DENND1A: variants seen among roughly 807,000 people sequenced by gnomAD.
DENND1A encodes DENN domain containing 1A, also known as DENN domain-containing protein 1A.
A neutral mutation model predicts 113.7 loss-of-function variants in DENND1A; 51 were observed. The observed-to-expected ratio is 0.45, with a 90% confidence interval of 0.36 to 0.57. The LOEUF is 0.57. Ranked by LOEUF, DENND1A falls within the 20% of genes least tolerant of loss-of-function variation. DENND1A has a pLI of 0.00. For missense variants in DENND1A, 1,258 were observed against 1,395.9 expected, an observed-to-expected ratio of 0.90 and a Z score of 1.57; for synonymous variants, 565 against 570.8, an observed-to-expected ratio of 0.99 and a Z score of 0.14.
At chr9:123,681,264 G>A (rs1247545688) in intron 5 of DENND1A, among the ~76,000 whole-genome samples, 1 of 145,968 alleles carries the variant, frequency 6.9e-6, no homozygotes, top group African/African-American at 2.5e-5. Flanking sequence ...AGAACATCTG[G>A]AAGGCAGTTC....
intron 4 of DENND1A, among the ~76,000 whole-genome samples, chr9:123,766,797 A>G (rs770574074): frequency 6.6e-6 from 1 of 152,190 alleles, no homozygotes; most frequent in Admixed American, 6.5e-5. Context: ...TGGCTTTATT[A>G]TTTTTCCTAA....
chr9:123,538,713 AAAT>A (rs1368304723), intron 13 of DENND1A, among the ~76,000 whole-genome samples: 2 of 147,262 alleles, frequency 1.4e-5, no homozygotes, highest in African/African-American at 5.0e-5. Flanking sequence ...AAAATCCATC[AAAT>A]ATGTTGAAAT....
chr9:123,388,847 C>T (rs2042698499), intron 21 of DENND1A, among the ~76,000 whole-genome samples: 1 of 152,216 alleles, frequency 6.6e-6, no homozygotes, highest in Non-Finnish European at 1.5e-5. Context: ...CTCTGTGCAC[C>T]CCACCAAGAG....
chr9:123,756,947 C>T (rs1412144860), intron 5 of DENND1A, among the ~76,000 whole-genome samples: 1 of 152,168 alleles, frequency 6.6e-6, no homozygotes, highest in African/African-American at 2.4e-5. Context: ...CAGAGAGAGA[C>T]AGGAGGCAGG....
Position 123,587,656 on chromosome 9 carries a change from C to A in DENND1A, c.766-4386G>T, listed in dbSNP as rs148283598. Reference sequence around the variant, plus strand: ...TCTTGGTGATGTGAAACCTCCCTGACTGCACGTCCATTCATAGGTTCTCTG... The same window carrying A: ...TCTTGGTGATGTGAAACCTCCCTGAATGCACGTCCATTCATAGGTTCTCTG... On this transcript the variant is annotated intron_variant, in intron 11 of 23. Transcript: ENST00000394215. Among the ~76,000 whole-genome samples the A allele has an allele frequency of 3.1e-3, 475 of 152,346 alleles. 4 individuals carry two copies. Among genetic ancestry groups the A allele is most frequent in the African/African-American group, 0.011 (458 of 41,590 alleles).
Position 123,583,224 on chromosome 9 carries a change from T to C in DENND1A, c.812A>G (p.Asp271Gly), listed in dbSNP as rs574249454. 1 of 1,612,702 alleles carries C rather than the reference T, an allele frequency of 6.2e-7. No individual in the cohort carries two copies. Among genetic ancestry groups the C allele is most frequent in the African/African-American group, 1.3e-5 (1 of 74,906 alleles). ...ALDDVVILNV[D>G]TNTLETPFDD... The stretch of plus-strand genomic sequence containing the variant: ...GAAGGGGGTTTCCAGGGTGTTGGTG[T>C]CCACATTCAGGATCACGACATCATC... The change falls in exon 12 of 24, where the codon GAC becomes GGC. Residue 271 changes from aspartate (D) to glycine (G), a missense_variant. Around this residue, in one of 2 missense-constraint regions of DENND1A, gnomAD observed 1,159 missense variants for 1,231.7 expected, o/e 0.94. Coordinates refer to ENST00000394215, the MANE Select transcript of DENND1A (RefSeq NM_001352964.2).
At chr9:123,902,957 A>G (rs1588157890) in intron 1 of DENND1A, among the ~76,000 whole-genome samples, 1 of 152,198 alleles carries the variant, frequency 6.6e-6, no homozygotes, top group African/African-American at 2.4e-5. Context: ...CCAAAAAAGA[A>G]TAGTATAACA....
At chr9:123,897,959 A>AAG in intron 1 of DENND1A, among the ~76,000 whole-genome samples, 1 of 152,054 alleles carries the variant, frequency 6.6e-6, no homozygotes, top group African/African-American at 2.4e-5. Flanking sequence ...AAAAAAAAAA[A>AAG]AAAGGTCCAC....
intron 2 of DENND1A, among the ~76,000 whole-genome samples, chr9:123,825,787 C>T (rs779064673): frequency 2.0e-5 from 3 of 152,242 alleles, no homozygotes; most frequent in Non-Finnish European, 2.9e-5. Context: ...TTTTTCACCC[C>T]TCTTTCCTGG....
At chr9:123,514,556 G>A (rs1405503202) in intron 13 of DENND1A, among the ~76,000 whole-genome samples, 10 of 152,194 alleles carry the variant, frequency 6.6e-5, no homozygotes, top group Admixed American at 6.5e-4. Context: ...GGCAGCGACA[G>A]AAGCGTGGTT....
chr9:123,714,482 A>G (rs772719467), intron 5 of DENND1A, among the ~76,000 whole-genome samples: 1 of 152,126 alleles, frequency 6.6e-6, no homozygotes, highest in Non-Finnish European at 1.5e-5. Context: ...CATGCCTGTA[A>G]TCCCAGCTAC....
chr9:123,789,632 T>C (rs1418968261), intron 3 of DENND1A, among the ~76,000 whole-genome samples: 1 of 152,086 alleles, frequency 6.6e-6, no homozygotes, highest in African/African-American at 2.4e-5. Context: ...CAGTAATACA[T>C]CTCCGGGACC....
chr9:123,465,940 GT>G (rs773401377), intron 13 of DENND1A, among the ~76,000 whole-genome samples: 8 of 152,072 alleles, frequency 5.3e-5, no homozygotes, highest in Non-Finnish European at 1.0e-4. Flanking sequence ...TTTGTATTTT[GT>G]TCTCATCAGA....
intron 5 of DENND1A, among the ~76,000 whole-genome samples, chr9:123,712,157 T>G (rs1318759052): frequency 6.6e-6 from 1 of 152,252 alleles, no homozygotes; most frequent in Non-Finnish European, 1.5e-5. Context: ...TTCAACACTG[T>G]CCAGCCTTTT....
chr9:123,728,375 G>A (rs1488827214), intron 5 of DENND1A, among the ~76,000 whole-genome samples: 1 of 150,306 alleles, frequency 6.7e-6, no homozygotes, highest in Non-Finnish European at 1.5e-5. Flanking sequence ...TACTCAGGAG[G>A]CTGAGGCAGG....
intron 17 of DENND1A, 57 bp downstream of exon 17, chr9:123,452,219 C>T (rs2132715083): frequency 1.4e-6 from 2 of 1,473,616 alleles, no homozygotes; most frequent in East Asian, 2.3e-5. Context: ...AATAAAGAGT[C>T]TCATCATGCT....
chr9:123,553,403 C>CA (rs2057233738), intron 13 of DENND1A, among the ~76,000 whole-genome samples: 3 of 151,244 alleles, frequency 2.0e-5, no homozygotes, highest in Non-Finnish European at 4.4e-5. Flanking sequence ...AAAAGCCGCC[C>CA]CCCCCCCGCT....
At chr9:123,738,475 G>GTGTGTT (rs2068740347) in intron 5 of DENND1A, among the ~76,000 whole-genome samples, 1 of 150,726 alleles carries the variant, frequency 6.6e-6, no homozygotes, top group Non-Finnish European at 1.5e-5. Context: ...GTGTGTGTGT[G>GTGTGTT]TGTGTGTAGT....
At chr9:123,738,610 G>A (rs2068753655) in intron 5 of DENND1A, among the ~76,000 whole-genome samples, 1 of 152,118 alleles carries the variant, frequency 6.6e-6, no homozygotes, top group Admixed American at 6.6e-5. Flanking sequence ...CACTCTGATG[G>A]AACAAGCCTC....
Sources: gnomAD v4.1 joint callset for allele counts (sites outside exome capture counted in the v4.1 genomes callset) on GRCh38, gnomAD v4.1.1 for gene constraint, gnomAD v4.1.1 regional missense constraint, MANE v1.5 for transcripts, NCBI Gene and HGNC (gene_info 2026-07-23, HGNC 2026-07-21) for gene names.